The following TSPAN11 variants were observed in gnomAD, a reference collection of about 807,000 sequenced individuals.
TSPAN11 encodes tetraspanin-11.
In TSPAN11, 29 loss-of-function variants were observed where a neutral mutation model predicts 32.9. That is an observed-to-expected ratio of 0.88 (90% CI 0.66 to 1.20). The LOEUF (loss-of-function observed/expected upper bound fraction) is 1.20, where lower values mean the gene tolerates loss of function less well. Ranked by LOEUF, TSPAN11 falls within the 50% of genes most tolerant of loss-of-function variation. The pLI, the probability that TSPAN11 is intolerant of heterozygous loss-of-function variation, is 0.00. For missense variants in TSPAN11, 283 were observed against 329.1 expected (o/e 0.86, Z 1.08); for synonymous variants, 140 against 141.3 (o/e 0.99, Z 0.07).
At chr12:30,953,137 T>TAGG (rs1394527424) in intron 1 of TSPAN11, among the ~76,000 whole-genome samples, 1 of 152,214 alleles carries the variant, frequency 6.6e-6, no homozygotes, top group African/African-American at 2.4e-5. Flanking sequence ...ACGGGAGTTT[T>TAGG]AGGACTAGAG....
chr12:30,958,516 C>A (rs1938544821), intron 2 of TSPAN11, among the ~76,000 whole-genome samples: 1 of 152,098 alleles, frequency 6.6e-6, no homozygotes. Context: ...ACCCTGCCTG[C>A]ATGTGGGTAT....
At chr12:30,948,633 A>G (rs1422268972) in intron 1 of TSPAN11, among the ~76,000 whole-genome samples, 1 of 152,206 alleles carries the variant, frequency 6.6e-6, no homozygotes, top group Admixed American at 6.5e-5. Flanking sequence ...GGCTGCACAC[A>G]GCAGAGGGAC....
intron 1 of TSPAN11, among the ~76,000 whole-genome samples, chr12:30,950,102 C>T (rs911140677): frequency 6.6e-6 from 1 of 152,070 alleles, no homozygotes; most frequent in African/African-American, 2.4e-5. Flanking sequence ...CCATTCCCCC[C>T]ACCCCCTTCT....
chr12:30,970,146 G>A (rs763128159), intron 3 of TSPAN11, among the ~76,000 whole-genome samples: 3 of 152,230 alleles, frequency 2.0e-5, no homozygotes, highest in East Asian at 1.9e-4. Flanking sequence ...CTGGGAGGAA[G>A]TAGCAATTGG....
chr12:30,971,426 G>A (rs893735515), intron 3 of TSPAN11, among the ~76,000 whole-genome samples: 4 of 152,234 alleles, frequency 2.6e-5, no homozygotes, highest in South Asian at 2.1e-4. Context: ...CAGCTTGCCC[G>A]CAAGCGATGT....
chr12:30,952,900 C>A (rs934832227), intron 1 of TSPAN11, among the ~76,000 whole-genome samples: 3 of 152,192 alleles, frequency 2.0e-5, no homozygotes, highest in African/African-American at 7.2e-5. Context: ...TCTTAAAGAG[C>A]AACTACTCTG....
Position 30,975,491 on chromosome 12 carries a change from C to T in TSPAN11, c.277-3070C>T, listed in dbSNP as rs1433543700. On this transcript the variant is annotated intron_variant, in intron 3 of 7. Transcript: ENST00000546076. The surrounding 1 kb of genome is among the most constrained non-coding windows in gnomAD (Gnocchi z 4.5). ...TCGAGAAGGCTATCCCCACACACCACCGCCACTGCCAAGCTCTCTCCCCTC... is the reference window on the plus strand; with the variant it reads ...TCGAGAAGGCTATCCCCACACACCATCGCCACTGCCAAGCTCTCTCCCCTC... Among the ~76,000 whole-genome samples, 1 of 152,178 alleles carries T rather than the reference C, an allele frequency of 6.6e-6. No homozygotes were observed. The highest frequency in any genetic ancestry group is 1.5e-5 in the Non-Finnish European group (1 of 68,024).
At chr12:30,971,762 A>G in intron 3 of TSPAN11, among the ~76,000 whole-genome samples, 1 of 151,980 alleles carries the variant, frequency 6.6e-6, no homozygotes, top group East Asian at 1.9e-4. Context: ...AAAAAAAAAG[A>G]AATAAAAAGG....
intron 1 of TSPAN11, among the ~76,000 whole-genome samples, chr12:30,951,863 C>T (rs903493503): frequency 6.6e-6 from 1 of 152,196 alleles, no homozygotes; most frequent in African/African-American, 2.4e-5. Flanking sequence ...AACTCAACTA[C>T]AGATTAGCCA....
chr12:31,011,113 C>A, the TSPAN11 span, among the ~76,000 whole-genome samples: 1 of 152,160 alleles, frequency 6.6e-6, no homozygotes, highest in Non-Finnish European at 1.5e-5. Flanking sequence ...ACAACCAGGC[C>A]AGGTGCATTG....
chr12:30,936,431 A>C (rs1664388669), intron 1 of TSPAN11, among the ~76,000 whole-genome samples: 1 of 152,204 alleles, frequency 6.6e-6, no homozygotes, highest in Non-Finnish European at 1.5e-5. Flanking sequence ...TGTTCAATGA[A>C]TTAATAATTA....
chr12:30,975,119 T>C lies in TSPAN11; in HGVS notation c.277-3442T>C, dbSNP rs554325276. On this transcript the variant is annotated intron_variant, in intron 3 of 7. Transcript: ENST00000546076. The surrounding 1 kb of genome is among the most constrained non-coding windows in gnomAD (Gnocchi z 4.5). ...AGCAACACCAGGAACACTTTTCAGC[T>C]TTGCACACAGAGCCAGCGTGTGCCG... is the stretch of plus-strand genomic sequence containing the variant. Among the ~76,000 whole-genome samples, 1 of 152,290 alleles carries C rather than the reference T, an allele frequency of 6.6e-6. No homozygotes were observed. The highest frequency in any genetic ancestry group is 2.1e-4 in the South Asian group (1 of 4,818).
rs1565796553 is a variant in TSPAN11, at chr12:30,963,908, C to T, written c.167C>T (p.Thr56Ile). Residue 56 changes from threonine to isoleucine, a missense_variant, in exon 3 of 8, where the codon ACC (threonine) becomes ATC (isoleucine). Coordinates refer to ENST00000546076, the MANE Select transcript of TSPAN11 (RefSeq NM_001370302.1). ...TACCTCAGCGTCCTGGCCTCCAGCA[C>T]CTTTGCCGCCTCCGCCTACATCCTC... is the stretch of plus-strand genomic sequence containing the variant. ...SGYLSVLASSTFAASAYILIF... is the reference protein window; with the variant it reads ...SGYLSVLASSIFAASAYILIF... 6 of 1,613,850 alleles carry T rather than the reference C, an allele frequency of 3.7e-6. No homozygotes were observed. The highest frequency in any genetic ancestry group is 5.1e-6 in the Non-Finnish European group (6 of 1,180,030).
At chr12:30,959,125 A>C (rs1190452818) in intron 2 of TSPAN11, among the ~76,000 whole-genome samples, 5 of 152,190 alleles carry the variant, frequency 3.3e-5, no homozygotes, top group African/African-American at 1.2e-4. Flanking sequence ...AGCCCTCTAC[A>C]GAGCCTCATC....
chr12:30,968,176 G>A (rs1035997941), intron 3 of TSPAN11, among the ~76,000 whole-genome samples: 1 of 152,230 alleles, frequency 6.6e-6, no homozygotes, highest in African/African-American at 2.4e-5. Flanking sequence ...GAGAAGGGCA[G>A]TGAGTCTATC....
chr12:31,014,648 T>C, the TSPAN11 span, among the ~76,000 whole-genome samples: 3 of 152,328 alleles, frequency 2.0e-5, no homozygotes, highest in South Asian at 6.2e-4. Context: ...TCATGATACT[T>C]TGTCTTTATG....
At chr12:30,929,988 G>A (rs777780469) in intron 1 of TSPAN11, among the ~76,000 whole-genome samples, 83 of 152,226 alleles carry the variant, frequency 5.5e-4, no homozygotes, top group Non-Finnish European at 8.5e-4. Context: ...AGGTGGTGGT[G>A]TTCTGTTTGG....
At chr12:30,955,804 G>A (rs1402702807) in intron 2 of TSPAN11, among the ~76,000 whole-genome samples, 3 of 152,096 alleles carry the variant, frequency 2.0e-5, no homozygotes, top group African/African-American at 7.2e-5. Context: ...TTCACATGAT[G>A]TTTTCTTCTT....
rs1162274439 is a variant in TSPAN11 at position 30,939,378 on chromosome 12, TG to T, written c.-12+12585del. Among the ~76,000 whole-genome samples the T allele has an allele frequency of 4.6e-5, 7 of 152,244 alleles. No homozygotes were observed. The East Asian group carries it at 1.4e-3, about 29-fold the overall frequency. On this transcript the variant is annotated intron_variant, in intron 1 of 7. Transcript: ENST00000546076. ...GGGTTTTTTACTACTGACCAGAGTC[TG>T]GGAGAGGTGCCAGTGGCCAGAGGTG...
Sources: allele counts gnomAD v4.1 joint callset (sites outside exome capture counted in the v4.1 genomes callset), GRCh38; gene constraint gnomAD v4.1.1; non-coding constraint Gnocchi (gnomAD v3.1); transcripts MANE v1.5; gene names NCBI Gene and HGNC (gene_info 2026-07-23, HGNC 2026-07-21).